Variants in TOP2B observed in about 807,000 individuals in gnomAD.
TOP2B encodes the protein DNA topoisomerase II beta, also known as DNA topoisomerase 2-beta.
TOP2B carries 51 observed loss-of-function variants against 193.5 expected under a neutral mutation model. The observed-to-expected ratio is 0.26, with a 90% CI of 0.21 to 0.33. TOP2B has a LOEUF of 0.33. Ranked by LOEUF, TOP2B falls within the 10% of genes least tolerant of loss-of-function variation. The pLI is 1.00. For missense variants in TOP2B, 1,378 were observed against 1,909.3 expected, an observed-to-expected ratio of 0.72 and a Z score of 5.19; for synonymous variants, 634 against 635.7, an observed-to-expected ratio of 1.00 and a Z score of 0.04.
At chr3:25,633,453 TC>T (rs780007803) in intron 8 of TOP2B, among the ~76,000 whole-genome samples, 276 of 152,234 alleles carry the variant, frequency 1.8e-3, no homozygotes, top group Middle Eastern at 6.8e-3. Context: ...TTCTGTGAAC[TC>T]CATTGTTCAG....
In TOP2B at chr3:25,623,649, T is replaced by G; in HGVS notation, c.2593A>C (p.Ile865Leu). The G allele has an allele frequency of 6.2e-7, 1 of 1,613,812 alleles. No homozygotes were observed. Among genetic ancestry groups the G allele is most frequent in the East Asian group, 2.2e-5 (1 of 44,854 alleles). The change falls in exon 21 of 36, where the codon ATA (isoleucine) becomes CTA (leucine). Residue 865 changes from isoleucine (I) to leucine (L), a missense_variant. By Grantham distance (5) the Ile-to-Leu change is conservative (BLOSUM62 2). Coordinates refer to ENST00000264331, the MANE Select transcript of TOP2B (RefSeq NM_001330700.2). ...QRVEPEWYIP[I>L]IPMVLINGAE... ...CCATTTATTAAAACCATGGGAATTATAGGAATATACCACTCAGGCTCTACA... is the reference window on the plus strand; with the variant it reads ...CCATTTATTAAAACCATGGGAATTAGAGGAATATACCACTCAGGCTCTACA...
At position 25,652,667 on chromosome 3, in the gene TOP2B, A is replaced by G. The variant is rs112311734; in HGVS notation, c.70-7197T>C. Among the ~76,000 whole-genome samples, 366 of 152,360 alleles carry G rather than the reference A, an allele frequency of 2.4e-3. 2 individuals carry two copies. The highest frequency in any genetic ancestry group is 8.5e-3 in the African/African-American group (352 of 41,578). ...CAATAGAGCAATATTTATGTAATGC[A>G]GCTAAAACAGTATTACACCTAACAT... is the stretch of plus-strand genomic sequence containing the variant. On this transcript the variant is annotated intron_variant, in intron 1 of 35. Coordinates refer to ENST00000264331, the MANE Select transcript of TOP2B (RefSeq NM_001330700.2).
At chr3:25,637,117 T>C in intron 6 of TOP2B, 98 bp downstream of exon 6, 2 of 868,316 alleles carry the variant, frequency 2.3e-6, no homozygotes, top group South Asian at 3.1e-5. Flanking sequence ...AAAAATGAAG[T>C]TATACAGGCA....
intron 1 of TOP2B, among the ~76,000 whole-genome samples, chr3:25,647,221 C>T (rs1422904978): frequency 6.6e-6 from 1 of 152,064 alleles, no homozygotes; most frequent in East Asian, 1.9e-4. Context: ...AACAAATTTA[C>T]ATTTAAGGGC....
Position 25,633,910 on chromosome 3 carries a change from A to T in TOP2B, c.957T>A (p.Asp319Glu), listed in dbSNP as rs758545072. The change falls in exon 8 of 36, where the codon GAT (aspartate) becomes GAA (glutamate). Residue 319 changes from aspartate to glutamate, a missense_variant. Physicochemically the swap from Asp to Glu is conservative, Grantham distance 45. Coordinates refer to ENST00000264331, the MANE Select transcript of TOP2B (RefSeq NM_001330700.2). ...VIHELANERW[D>E]VCLTLSEKGF... ...CTTTTTCACTCAATGTGAGACAAAC[A>T]TCCCATCTTTCATTTGCAAGCTCAT... 1.7e-5 allele frequency: 28 copies of T among 1,613,182 alleles called. No individual in the cohort carries two copies. The highest frequency in any genetic ancestry group is 2.3e-5 in the Non-Finnish European group (27 of 1,179,462).
At chr3:25,630,668 A>T in intron 11 of TOP2B, 133 bp downstream of exon 11, 1 of 955,398 alleles carries the variant, frequency 1.0e-6, no homozygotes, top group Non-Finnish European at 1.5e-6. Flanking sequence ...TGTGTATGTG[A>T]TAATTTCAAT....
At chr3:25,634,484 C>T (rs1469631437) in intron 7 of TOP2B, among the ~76,000 whole-genome samples, 1 of 152,056 alleles carries the variant, frequency 6.6e-6, no homozygotes, top group Admixed American at 6.6e-5. Context: ...AAAACCTAAG[C>T]TTTTGCTTAC....
chr3:25,641,871 A>G (rs1450462756), intron 4 of TOP2B, among the ~76,000 whole-genome samples: 1 of 152,190 alleles, frequency 6.6e-6, no homozygotes, highest in East Asian at 1.9e-4. Flanking sequence ...ATGCAAAAAA[A>G]TAATAAAAAT....
At chr3:25,626,741 T>C (rs778271702) in intron 17 of TOP2B, 31 bp downstream of exon 17, 4 of 1,563,320 alleles carry the variant, frequency 2.6e-6, no homozygotes. Flanking sequence ...TCTCTCCTTC[T>C]TTCCCCAGGT....
chr3:25,623,815 T>A, intron 20 of TOP2B, 69 bp from the exon 21 acceptor site: 3 of 977,058 alleles, frequency 3.1e-6, no homozygotes, highest in East Asian at 2.6e-5. Flanking sequence ...TATACATAAT[T>A]AAAAACTTCA....
intron 15 of TOP2B, among the ~76,000 whole-genome samples, chr3:25,628,584 T>A (rs1702871254): frequency 6.6e-6 from 1 of 152,174 alleles, no homozygotes; most frequent in Non-Finnish European, 1.5e-5. Context: ...TAGACTATAA[T>A]GTCTGGAAGT....
chr3:25,635,083 A>G (rs990915876), intron 7 of TOP2B, among the ~76,000 whole-genome samples: 26 of 152,178 alleles, frequency 1.7e-4, no homozygotes, highest in Non-Finnish European at 1.2e-4. Flanking sequence ...AAGAGCTGCA[A>G]GAGACAGATC....
Position 25,630,805 on chromosome 3 carries a change from A to G in TOP2B, c.1401T>C (p.Asp467=). The change falls in exon 11 of 36, where the codon GAT becomes GAC. Residue 467 remains aspartate (D), a synonymous_variant. Transcript: ENST00000264331. The part of the protein sequence containing the change: ...KGIPKLDDAN[D]AGGKHSLECT... ...ATTTAAAAATATCAATCTTACCAGCATCATTAGCATCATCCAGTTTGGGAA... is the reference window on the plus strand; with the variant it reads ...ATTTAAAAATATCAATCTTACCAGCGTCATTAGCATCATCCAGTTTGGGAA... 2 of 1,551,268 alleles carry G rather than the reference A, an allele frequency of 1.3e-6. No homozygotes were observed. Among genetic ancestry groups the G allele is most frequent in the Non-Finnish European group, 1.7e-6 (2 of 1,157,540 alleles).
In TOP2B at chr3:25,610,515, A is replaced by T. The variant is rs374983186; in HGVS notation, c.3787-803T>A. ...AAGGAGGGAAGGGCATCCCAGGCAGAAGGCACAAAGCCATCTAACAGGAAT... is the reference window on the plus strand; with the variant it reads ...AAGGAGGGAAGGGCATCCCAGGCAGTAGGCACAAAGCCATCTAACAGGAAT... On this transcript the variant is annotated intron_variant, in intron 28 of 35. Coordinates refer to ENST00000264331, the MANE Select transcript of TOP2B (RefSeq NM_001330700.2). 3.9e-5 allele frequency among the ~76,000 whole-genome samples: 6 copies of T among 152,354 alleles called. No individual in the cohort carries two copies. In the East Asian group the frequency reaches 7.7e-4, roughly 20 times the overall value.
chr3:25,618,603 G>GC, intron 24 of TOP2B, 51 bp downstream of exon 24: 1 of 1,531,934 alleles, frequency 6.5e-7, no homozygotes, highest in Non-Finnish European at 8.8e-7. Context: ...TATTAATAAA[G>GC]TTTTTTTTCC....
Position 25,598,261 on chromosome 3 carries a change from GACAAC to G in TOP2B, c.*41_*45del. 1 of 1,539,794 alleles carries G rather than the reference GACAAC, an allele frequency of 6.5e-7. No homozygotes were observed. The highest frequency in any genetic ancestry group is 1.8e-4 in the Middle Eastern group (1 of 5,714). On this transcript the variant is annotated 3_prime_UTR_variant, in exon 36 of 36. Transcript: ENST00000264331. ...AAGTCTGAGACAGAGAAGACAAAAG[GACAAC>G]ACAAGATATTTGTTGAAAAATGTTT...
At chr3:25,645,511 G>T in intron 1 of TOP2B, 41 bp from the exon 2 acceptor site, 1 of 1,510,208 alleles carries the variant, frequency 6.6e-7, no homozygotes, top group Non-Finnish European at 9.0e-7. Flanking sequence ...AACCTACCAA[G>T]GGGTAGACAA....
intron 6 of TOP2B, 104 bp downstream of exon 6, chr3:25,637,111 A>T: frequency 2.4e-6 from 2 of 824,020 alleles, no homozygotes; most frequent in Non-Finnish European, 3.8e-6. Context: ...GAAAAAAAAA[A>T]TGAAGTTATA....
chr3:25,661,104 G>T (rs1703897577), intron 1 of TOP2B, among the ~76,000 whole-genome samples: 1 of 151,290 alleles, frequency 6.6e-6, no homozygotes. Context: ...AGGTTCAAGC[G>T]ATTCTCCTGC....
Sources: allele counts gnomAD v4.1 joint callset (sites outside exome capture counted in the v4.1 genomes callset), GRCh38; gene constraint gnomAD v4.1.1; transcripts MANE v1.5; gene names NCBI Gene and HGNC (gene_info 2026-07-23, HGNC 2026-07-21).